The following RAPGEF1 variants were observed in gnomAD, a reference collection of about 807,000 sequenced individuals.
RAPGEF1 encodes CRK SH3-binding GNRP.
Under a neutral mutation model 143.3 loss-of-function variants are expected in RAPGEF1, and 33 were observed. The observed-to-expected ratio is 0.23, with a 90% CI of 0.17 to 0.31. The LOEUF (loss-of-function observed/expected upper bound fraction) is 0.31, where lower values mean the gene tolerates loss of function less well. Among genes scored for constraint, RAPGEF1 ranks in the 10% least tolerant of loss-of-function variants. The pLI, the probability that RAPGEF1 is intolerant of heterozygous loss-of-function variation, is 1.00. For missense variants in RAPGEF1, 1,199 were observed against 1,645.4 expected (o/e 0.73, Z 4.69); for synonymous variants, 629 against 676.5 (o/e 0.93, Z 1.09).
chr9:131,618,897 G>C (rs935676336), intron 12 of RAPGEF1, among the ~76,000 whole-genome samples, 154 bp downstream of exon 12: 1 of 152,184 alleles, frequency 6.6e-6, no homozygotes, highest in African/African-American at 2.4e-5. Flanking sequence ...AGGCCCCAGA[G>C]AACCAACCAT....
intron 22 of RAPGEF1, among the ~76,000 whole-genome samples, chr9:131,587,013 C>A (rs1273029303): frequency 3.0e-5 from 1 of 33,068 alleles, no homozygotes; most frequent in Non-Finnish European, 4.7e-5. Context: ...CCGTCTCAAA[C>A]ACACACACAC....
intron 25 of RAPGEF1, 32 bp downstream of exon 25, chr9:131,582,573 G>A (rs375447233): frequency 4.7e-5 from 68 of 1,432,610 alleles, no homozygotes; most frequent in Non-Finnish European, 5.3e-5. Context: ...AAACCCAGGC[G>A]GGGCTGGGGG....
chr9:131,659,453 A>T (rs531720823), intron 1 of RAPGEF1, among the ~76,000 whole-genome samples: 1 of 152,206 alleles, frequency 6.6e-6, no homozygotes, highest in African/African-American at 2.4e-5. Flanking sequence ...TCCTGGGCTC[A>T]AGGGATCCTC....
intron 1 of RAPGEF1, among the ~76,000 whole-genome samples, chr9:131,669,380 C>T (rs1437515948): frequency 6.6e-6 from 1 of 152,126 alleles, no homozygotes; most frequent in African/African-American, 2.4e-5. Context: ...ACAGGAGTCA[C>T]CTCAAAAGTC....
chr9:131,626,273 G>C lies in RAPGEF1; in HGVS notation c.1351C>G (p.Leu451Val). 1 of 1,614,016 alleles carries C rather than the reference G, an allele frequency of 6.2e-7. No homozygotes were observed. The highest frequency in any genetic ancestry group is 1.1e-5 in the South Asian group (1 of 91,074). Residue 451 changes from leucine (L) to valine (V), a missense_variant, in exon 10 of 27, where the codon CTT (leucine) becomes GTT (valine). By Grantham distance (32) the Leu-to-Val change is conservative (BLOSUM62 1). Around this residue, in one of 6 missense-constraint regions of RAPGEF1, gnomAD observed 613 missense variants for 710.9 expected, o/e 0.86. Transcript: ENST00000683357. ...CCGTCTGGCTGGGGATGGCCGCCAAGAGGCAGCTGGAAAGGAGGGCCAAGA... is the reference window on the plus strand; with the variant it reads ...CCGTCTGGCTGGGGATGGCCGCCAACAGGCAGCTGGAAAGGAGGGCCAAGA... ...PFLGPPFQLPLGGHPQPDGPL... is the reference protein window; with the variant it reads ...PFLGPPFQLPVGGHPQPDGPL...
At chr9:131,685,656 A>G (rs1833283159) in intron 1 of RAPGEF1, among the ~76,000 whole-genome samples, 1 of 152,194 alleles carries the variant, frequency 6.6e-6, no homozygotes, top group Non-Finnish European at 1.5e-5. Context: ...GCTTGCTGTT[A>G]ATAAACACGT....
intron 1 of RAPGEF1, among the ~76,000 whole-genome samples, chr9:131,713,836 G>A (rs1277782548): frequency 6.6e-6 from 1 of 152,020 alleles, no homozygotes; most frequent in African/African-American, 2.4e-5. Context: ...TTGGTACACA[G>A]CAGATACTCA....
chr9:131,658,802 T>C (rs2133596730), intron 1 of RAPGEF1, among the ~76,000 whole-genome samples: 1 of 152,344 alleles, frequency 6.6e-6, no homozygotes, highest in Non-Finnish European at 1.5e-5. Context: ...ATTCTTAAAT[T>C]TTTAACTTGC....
chr9:131,580,245 C>A lies in RAPGEF1; in HGVS notation c.3641+18G>T, dbSNP rs145275160. The A allele has an allele frequency of 6.2e-7, 1 of 1,613,242 alleles. No homozygotes were observed. Among genetic ancestry groups the A allele is most frequent in the Non-Finnish European group, 8.5e-7 (1 of 1,179,424 alleles). On this transcript the variant is annotated intron_variant, in intron 26 of 26. Transcript: ENST00000683357. ...GGGGCTCAGCTCTGCCTGGTCCCCC[C>A]GGGGCAGTGGCACTCACGCCTGCTG...
At chr9:131,681,885 C>T (rs916873270) in intron 1 of RAPGEF1, among the ~76,000 whole-genome samples, 24 of 152,166 alleles carry the variant, frequency 1.6e-4, no homozygotes, top group Non-Finnish European at 3.2e-4. Flanking sequence ...AGCTCGGTTA[C>T]GGGAGTCTCT....
intron 1 of RAPGEF1, among the ~76,000 whole-genome samples, chr9:131,721,163 C>A (rs1422723959): frequency 6.6e-6 from 1 of 152,180 alleles, no homozygotes; most frequent in Non-Finnish European, 1.5e-5. Context: ...TCTCTCACTG[C>A]AAACCCAGAC....
At chr9:131,606,673 G>T (rs899318950) in intron 12 of RAPGEF1, among the ~76,000 whole-genome samples, 2 of 152,156 alleles carry the variant, frequency 1.3e-5, no homozygotes, top group African/African-American at 4.8e-5. Flanking sequence ...TTTTGAGACA[G>T]GGTCTCACTC....
intron 12 of RAPGEF1, among the ~76,000 whole-genome samples, chr9:131,617,705 T>C (rs1446606943): frequency 6.6e-6 from 1 of 152,170 alleles, no homozygotes; most frequent in Non-Finnish European, 1.5e-5. Flanking sequence ...CCTAGACATT[T>C]CATATAATTT....
chr9:131,722,187 C>T (rs915422448), intron 1 of RAPGEF1, among the ~76,000 whole-genome samples: 3 of 152,170 alleles, frequency 2.0e-5, no homozygotes, highest in African/African-American at 7.2e-5. Context: ...GGAACAGAGA[C>T]CCTATCGTGG....
intron 1 of RAPGEF1, among the ~76,000 whole-genome samples, chr9:131,688,817 G>A (rs557618997): frequency 6.6e-6 from 1 of 152,200 alleles, no homozygotes; most frequent in African/African-American, 2.4e-5. Context: ...AGAATCACTC[G>A]AACCCGGGAG....
intron 1 of RAPGEF1, among the ~76,000 whole-genome samples, chr9:131,703,196 C>A (rs772490631): frequency 1.1e-4 from 16 of 152,148 alleles, no homozygotes; most frequent in Non-Finnish European, 2.2e-4. Flanking sequence ...GACAGGGTCT[C>A]ACTGTGTGGT....
chr9:131,736,840 C>T (rs951926624), intron 1 of RAPGEF1, among the ~76,000 whole-genome samples: 3 of 152,190 alleles, frequency 2.0e-5, no homozygotes, highest in Non-Finnish European at 4.4e-5. Context: ...AAACTCCAAT[C>T]ACAACAATTG....
intron 1 of RAPGEF1, among the ~76,000 whole-genome samples, chr9:131,712,234 C>T (rs951336008): frequency 2.0e-5 from 3 of 152,150 alleles, no homozygotes; most frequent in Non-Finnish European, 2.9e-5. Flanking sequence ...CCCCACCACG[C>T]GAGAGGGGTC....
chr9:131,700,265 C>T (rs1173920429), intron 1 of RAPGEF1, among the ~76,000 whole-genome samples: 1 of 152,196 alleles, frequency 6.6e-6, no homozygotes, highest in East Asian at 1.9e-4. Flanking sequence ...GTCAGGGCCT[C>T]TGCGCCACCT....
Sources: gnomAD v4.1 joint callset for allele counts (sites outside exome capture counted in the v4.1 genomes callset) on GRCh38, gnomAD v4.1.1 for gene constraint, gnomAD v4.1.1 regional missense constraint, MANE v1.5 for transcripts, NCBI Gene and HGNC (gene_info 2026-07-23, HGNC 2026-07-21) for gene names.